TM9SF2: variants seen among roughly 807,000 people sequenced by gnomAD.
TM9SF2 encodes the protein 76 kDa membrane protein.
Under a neutral mutation model 84.9 loss-of-function variants are expected in TM9SF2, and 13 were observed. That is an observed-to-expected ratio of 0.15 (90% CI 0.10 to 0.24). TM9SF2 has a LOEUF of 0.24. Among genes scored for constraint, TM9SF2 ranks in the 10% least tolerant of loss-of-function variants. The pLI, the probability that TM9SF2 is intolerant of heterozygous loss-of-function variation, is 1.00. For synonymous variants in TM9SF2, 273 were observed against 285.8 expected, an observed-to-expected ratio of 0.96 and a Z score of 0.45; for missense variants, 562 against 818.5, an observed-to-expected ratio of 0.69 and a Z score of 3.82.
At chr13:99,512,017 A>G (rs2046115714) in intron 1 of TM9SF2, among the ~76,000 whole-genome samples, 1 of 152,228 alleles carries the variant, frequency 6.6e-6, no homozygotes, top group South Asian at 2.1e-4. Flanking sequence ...GGCCAGGACA[A>G]GTATAATGGA....
intron 3 of TM9SF2, among the ~76,000 whole-genome samples, chr13:99,523,491 C>A (rs1394413990): frequency 1.3e-5 from 2 of 152,174 alleles, no homozygotes; most frequent in African/African-American, 4.8e-5. Flanking sequence ...GAGGTAACAA[C>A]CAGCAACAAA....
chr13:99,557,635 A>T (rs185321236), intron 15 of TM9SF2, among the ~76,000 whole-genome samples: 2 of 152,216 alleles, frequency 1.3e-5, no homozygotes, highest in East Asian at 3.9e-4. Context: ...CTCTAATCCC[A>T]ACACTTTGGA....
chr13:99,532,380 C>T (rs946542185), intron 4 of TM9SF2, among the ~76,000 whole-genome samples: 2 of 152,052 alleles, frequency 1.3e-5, no homozygotes, highest in African/African-American at 4.8e-5. Flanking sequence ...CTTTCTTCTA[C>T]CCTCTGTGCT....
chr13:99,527,994 G>A (rs569000299), intron 3 of TM9SF2, among the ~76,000 whole-genome samples: 1 of 152,264 alleles, frequency 6.6e-6, no homozygotes, highest in South Asian at 2.1e-4. Flanking sequence ...ATTATTCCAA[G>A]GAGAAGGTTA....
intron 3 of TM9SF2, among the ~76,000 whole-genome samples, chr13:99,528,572 T>TG (rs1236392200): frequency 6.6e-6 from 1 of 152,234 alleles, no homozygotes; most frequent in Non-Finnish European, 1.5e-5. Flanking sequence ...TTAACTTATT[T>TG]TAAGTTTGGT....
intron 1 of TM9SF2, among the ~76,000 whole-genome samples, chr13:99,511,253 T>A (rs1156827398): frequency 6.6e-6 from 1 of 152,160 alleles, no homozygotes; most frequent in Non-Finnish European, 1.5e-5. Flanking sequence ...AATCAACAGT[T>A]GTTTACATTT....
intron 7 of TM9SF2, among the ~76,000 whole-genome samples, chr13:99,540,091 T>G (rs1396083549): frequency 6.6e-6 from 1 of 152,222 alleles, no homozygotes; most frequent in Admixed American, 6.5e-5. Context: ...AGTTTCCGAT[T>G]GGGAGATTGT....
intron 1 of TM9SF2, among the ~76,000 whole-genome samples, chr13:99,516,057 C>T (rs1228268404): frequency 6.6e-6 from 1 of 152,052 alleles, no homozygotes; most frequent in Non-Finnish European, 1.5e-5. Flanking sequence ...CCTCATTTTG[C>T]AGTTAAGGAA....
intron 1 of TM9SF2, among the ~76,000 whole-genome samples, chr13:99,508,584 A>C (rs1349015032): frequency 3.9e-5 from 6 of 152,068 alleles, no homozygotes; most frequent in Non-Finnish European, 8.8e-5. Flanking sequence ...AAGATGTTTA[A>C]TTGGCCCACA....
chr13:99,534,331 G>A (rs1047959702), intron 4 of TM9SF2, among the ~76,000 whole-genome samples: 14 of 152,278 alleles, frequency 9.2e-5, no homozygotes, highest in African/African-American at 2.4e-4. Context: ...AGAATGATGT[G>A]CTGTTTTCAA....
intron 12 of TM9SF2, among the ~76,000 whole-genome samples, chr13:99,550,694 A>C (rs934735076): frequency 1.3e-5 from 2 of 152,238 alleles, no homozygotes; most frequent in Non-Finnish European, 2.9e-5. Context: ...ACAATTCTAC[A>C]TAAATAAACA....
intron 3 of TM9SF2, among the ~76,000 whole-genome samples, chr13:99,521,700 C>CT (rs903825928): frequency 5.9e-5 from 9 of 151,520 alleles, no homozygotes; most frequent in Middle Eastern, 3.2e-3. Context: ...TTCAAATATT[C>CT]TTTTTTTTTC....
Position 99,552,305 on chromosome 13 carries a change from A to T in TM9SF2, c.1467A>T (p.Ala489=). 1 of 1,613,544 alleles carries T rather than the reference A, an allele frequency of 6.2e-7. No individual in the cohort carries two copies. Among genetic ancestry groups the T allele is most frequent in the Non-Finnish European group, 8.5e-7 (1 of 1,179,858 alleles). ...CISVPLTFIG[A]YFGFKKNAIE... ...CTGTGCCTCTGACGTTTATTGGTGC[A>T]TACTTTGGTTTTAAGAAGAATGTAA... Residue 489 remains alanine (A), a synonymous_variant, in exon 13 of 17, where the codon GCA becomes GCT. Coordinates refer to ENST00000376387, the MANE Select transcript of TM9SF2 (RefSeq NM_004800.3).
chr13:99,547,615 G>A (rs955061649), intron 11 of TM9SF2, among the ~76,000 whole-genome samples: 3 of 152,158 alleles, frequency 2.0e-5, no homozygotes, highest in Non-Finnish European at 4.4e-5. Context: ...AGTTACTTTT[G>A]TAATATCATT....
intron 16 of TM9SF2, among the ~76,000 whole-genome samples, chr13:99,561,525 T>A (rs1566575635): frequency 6.6e-6 from 1 of 152,236 alleles, no homozygotes; most frequent in Non-Finnish European, 1.5e-5. Context: ...TGAATAATTA[T>A]CCTTTTGACT....
At chr13:99,540,873 T>C in intron 8 of TM9SF2, 80 bp downstream of exon 8, 5 of 1,261,846 alleles carry the variant, frequency 4.0e-6, no homozygotes, top group Non-Finnish European at 5.7e-6. Context: ...TACTCTCAAA[T>C]CCTCTCTACT....
intron 1 of TM9SF2, among the ~76,000 whole-genome samples, chr13:99,515,722 T>C (rs1024585407): frequency 2.0e-5 from 3 of 149,350 alleles, no homozygotes; most frequent in Admixed American, 6.9e-5. Context: ...CCTATCCCTA[T>C]GAGAAATACT....
At chr13:99,507,111 C>G (rs1289500303) in intron 1 of TM9SF2, among the ~76,000 whole-genome samples, 1 of 152,156 alleles carries the variant, frequency 6.6e-6, no homozygotes, top group Non-Finnish European at 1.5e-5. Context: ...CATAACATCT[C>G]TGTGATATTT....
At chr13:99,525,425 AG>A (rs1566566145) in intron 3 of TM9SF2, among the ~76,000 whole-genome samples, 1 of 152,034 alleles carries the variant, frequency 6.6e-6, no homozygotes, top group Non-Finnish European at 1.5e-5. Context: ...TATTTTTAGT[AG>A]GGACAGGGCT....
Sources: gnomAD v4.1 joint callset for allele counts (sites outside exome capture counted in the v4.1 genomes callset) on GRCh38, gnomAD v4.1.1 for gene constraint, MANE v1.5 for transcripts, NCBI Gene and HGNC (gene_info 2026-07-23, HGNC 2026-07-21) for gene names.